Variants in AFF3 observed in about 807,000 individuals in gnomAD.
The protein encoded by AFF3 is ALF transcription elongation factor 3.
A neutral mutation model predicts 129.7 loss-of-function variants in AFF3; 32 were observed. That is an observed-to-expected ratio of 0.25 (90% CI 0.19 to 0.33). AFF3 has a LOEUF of 0.33. Among genes scored for constraint, AFF3 ranks in the 10% least tolerant of loss-of-function variants. AFF3 has a pLI of 1.00. For missense variants in AFF3, 1,373 were observed against 1,592.0 expected (o/e 0.86, Z 2.34); for synonymous variants, 644 against 635.4 (o/e 1.01, Z -0.20).
chr2:99,616,642 G>C (rs1681463538), intron 13 of AFF3, among the ~76,000 whole-genome samples: 1 of 152,058 alleles, frequency 6.6e-6, no homozygotes, highest in Non-Finnish European at 1.5e-5. Context: ...TGTAGTCCCA[G>C]CTACTCGGGA....
chr2:99,628,738 TGA>T (rs1682842804), intron 13 of AFF3, among the ~76,000 whole-genome samples: 3 of 148,226 alleles, frequency 2.0e-5, no homozygotes, highest in Non-Finnish European at 4.5e-5. Context: ...TTTTTTTTTT[TGA>T]GACAGAGTCT....
intron 7 of AFF3, among the ~76,000 whole-genome samples, chr2:99,909,480 A>G (rs1412095516): frequency 6.6e-6 from 1 of 151,498 alleles, no homozygotes; most frequent in Non-Finnish European, 1.5e-5. Context: ...GGAGAGGGAT[A>G]GCATTAGGAG....
intron 13 of AFF3, among the ~76,000 whole-genome samples, chr2:99,618,815 A>C (rs536795260): frequency 6.6e-6 from 1 of 152,338 alleles, no homozygotes; most frequent in Admixed American, 6.5e-5. Flanking sequence ...GAGTTTTCTA[A>C]CACGACCTCT....
At chr2:99,749,683 T>A (rs191713781) in intron 9 of AFF3, among the ~76,000 whole-genome samples, 33 of 152,312 alleles carry the variant, frequency 2.2e-4, no homozygotes, top group African/African-American at 7.5e-4. Flanking sequence ...GAACTTCACA[T>A]GGGTTCTGAT....
intron 9 of AFF3, among the ~76,000 whole-genome samples, chr2:99,744,344 T>C (rs759727587): frequency 6.6e-6 from 1 of 152,242 alleles, no homozygotes; most frequent in Non-Finnish European, 1.5e-5. Flanking sequence ...ATCATTTTTC[T>C]TTTGTATTAA....
At chr2:99,854,191 T>C (rs377416090) in intron 7 of AFF3, among the ~76,000 whole-genome samples, 12 of 150,756 alleles carry the variant, frequency 8.0e-5, no homozygotes, top group South Asian at 2.1e-4. Context: ...GCCAAACACT[T>C]AAGTTCTCTA....
At chr2:99,743,839 T>C (rs1468560265) in intron 10 of AFF3, among the ~76,000 whole-genome samples, 1 of 152,222 alleles carries the variant, frequency 6.6e-6, no homozygotes, top group Non-Finnish European at 1.5e-5. Context: ...ACAGCCATAA[T>C]AAAGCATGAA....
At chr2:99,771,550 A>C (rs1575931094) in intron 8 of AFF3, among the ~76,000 whole-genome samples, 1 of 152,314 alleles carries the variant, frequency 6.6e-6, no homozygotes, top group African/African-American at 2.4e-5. Context: ...CATTCTAGAG[A>C]TGCAAAGTTC....
At chr2:99,598,810 G>A (rs1679540424) in intron 14 of AFF3, among the ~76,000 whole-genome samples, 1 of 152,250 alleles carries the variant, frequency 6.6e-6, no homozygotes, top group African/African-American at 2.4e-5. Flanking sequence ...AGGCAGCACA[G>A]CTGTGGAGGA....
At chr2:99,655,643 T>C (rs565785038) in intron 12 of AFF3, among the ~76,000 whole-genome samples, 16 of 152,150 alleles carry the variant, frequency 1.1e-4, no homozygotes, top group East Asian at 7.7e-4. Context: ...CACAGGACAA[T>C]AGAAAGTCAT....
At chr2:99,674,951 G>T (rs6542886) in intron 11 of AFF3, among the ~76,000 whole-genome samples, 88,158 of 151,986 alleles carry the variant, frequency 0.58, 26,635 homozygotes, top group African/African-American at 0.76. Context: ...TGCTAAACGC[G>T]TCCACACGTA....
intron 7 of AFF3, among the ~76,000 whole-genome samples, chr2:99,850,617 G>C (rs144057703): frequency 1.3e-5 from 2 of 152,302 alleles, no homozygotes; most frequent in African/African-American, 4.8e-5. Flanking sequence ...TGATTAAGTG[G>C]AAGTTACTTA....
At chr2:99,741,826 A>G (rs1680744788) in intron 10 of AFF3, among the ~76,000 whole-genome samples, 1 of 152,142 alleles carries the variant, frequency 6.6e-6, no homozygotes, top group Non-Finnish European at 1.5e-5. Context: ...ACTATACTAC[A>G]AGGCTACAGT....
intron 11 of AFF3, among the ~76,000 whole-genome samples, chr2:99,697,512 A>C (rs1213784096): frequency 6.6e-6 from 1 of 152,256 alleles, no homozygotes; most frequent in Non-Finnish European, 1.5e-5. Context: ...AGCAATTTGT[A>C]AAATACTAAA....
intron 7 of AFF3, among the ~76,000 whole-genome samples, chr2:99,978,776 C>A (rs1000595837): frequency 6.6e-6 from 1 of 152,220 alleles, no homozygotes; most frequent in Non-Finnish European, 1.5e-5. Flanking sequence ...GCCTTACCCT[C>A]CCACCACGTG....
Position 100,108,907 on chromosome 2 carries a change from C to G in AFF3, c.-144-3324G>C, listed in dbSNP as rs1346237504. ...TGTTTCTGGGAATGTGCATTTCTTT[C>G]CTTTTTTTTTTTTTTTTTTTTTTTT... On this transcript the variant is annotated intron_variant, in intron 2 of 24. Transcript: ENST00000672756. Among the ~76,000 whole-genome samples, 10 of 97,934 alleles carry G rather than the reference C, an allele frequency of 1.0e-4. No homozygotes were observed. The East Asian group carries it at 2.7e-3, about 27-fold the overall frequency. The allele number at this position is 97,934 out of a possible 152,430, so 64.2% of individuals were successfully genotyped here.
At chr2:99,655,074 T>TA (rs989839749) in intron 12 of AFF3, among the ~76,000 whole-genome samples, 9 of 152,268 alleles carry the variant, frequency 5.9e-5, no homozygotes, top group African/African-American at 2.2e-4. Flanking sequence ...AAACAGAACT[T>TA]ACGCCTGGAG....
intron 11 of AFF3, among the ~76,000 whole-genome samples, chr2:99,691,348 A>T (rs1675632024): frequency 6.6e-6 from 1 of 152,170 alleles, no homozygotes; most frequent in Non-Finnish European, 1.5e-5. Context: ...GTTGCTCCTG[A>T]ACTCCTGCAG....
intron 8 of AFF3, among the ~76,000 whole-genome samples, chr2:99,812,567 T>C (rs577875199): frequency 2.0e-5 from 3 of 152,312 alleles, no homozygotes; most frequent in South Asian, 2.1e-4. Flanking sequence ...GTTGGTATCA[T>C]AGAGGAAACT....
Sources: allele counts gnomAD v4.1 joint callset (sites outside exome capture counted in the v4.1 genomes callset), GRCh38; gene constraint gnomAD v4.1.1; transcripts MANE v1.5; gene names NCBI Gene and HGNC (gene_info 2026-07-23, HGNC 2026-07-21).